Variants in ZNF704 observed in about 807,000 individuals in gnomAD.
ZNF704 encodes glucocorticoid induced gene 1.
Under a neutral mutation model 44.7 loss-of-function variants are expected in ZNF704, and 10 were observed. The observed-to-expected ratio is 0.22, with a 90% confidence interval of 0.14 to 0.38. The LOEUF (loss-of-function observed/expected upper bound fraction) is 0.38. Among genes scored for constraint, ZNF704 ranks in the 10% least tolerant of loss-of-function variants. The pLI, the probability that ZNF704 is intolerant of heterozygous loss-of-function variation, is 1.00. For synonymous variants in ZNF704, 211 were observed against 207.6 expected, an observed-to-expected ratio of 1.02 and a Z score of -0.14; for missense variants, 390 against 545.5, an observed-to-expected ratio of 0.71 and a Z score of 2.84.
intron 7 of ZNF704, among the ~76,000 whole-genome samples, chr8:80,657,769 T>A (rs1392400947): frequency 6.6e-6 from 1 of 151,954 alleles, no homozygotes; most frequent in Non-Finnish European, 1.5e-5. Flanking sequence ...GTTTTATATA[T>A]CATATATACG....
chr8:80,880,034 T>C, the ZNF704 span, among the ~76,000 whole-genome samples: 2 of 152,240 alleles, frequency 1.3e-5, no homozygotes, highest in Non-Finnish European at 2.9e-5. Flanking sequence ...GTCCTCTGTC[T>C]TTCTGTCTCT....
At chr8:80,817,212 G>A (rs546438580) in intron 2 of ZNF704, among the ~76,000 whole-genome samples, 1 of 152,250 alleles carries the variant, frequency 6.6e-6, no homozygotes, top group African/African-American at 2.4e-5. Context: ...GTACAATATT[G>A]TGGGGTGGGA....
chr8:80,859,424 G>A (rs1350839067), intron 1 of ZNF704, among the ~76,000 whole-genome samples: 1 of 152,176 alleles, frequency 6.6e-6, no homozygotes, highest in Non-Finnish European at 1.5e-5. Flanking sequence ...TGTTGTGATA[G>A]TGGGAAAGCA....
chr8:80,781,447 C>A (rs562169792), intron 2 of ZNF704, among the ~76,000 whole-genome samples: 2 of 152,136 alleles, frequency 1.3e-5, no homozygotes, highest in East Asian at 1.9e-4. Context: ...ATAATTTTCA[C>A]GTCATGAAAT....
chr8:80,680,611 A>G (rs1034505381), intron 4 of ZNF704, among the ~76,000 whole-genome samples: 2 of 152,196 alleles, frequency 1.3e-5, no homozygotes, highest in African/African-American at 4.8e-5. Flanking sequence ...ACAGATCCCC[A>G]GCAGGTGCCA....
At chr8:80,762,858 T>C (rs983759664) in intron 2 of ZNF704, among the ~76,000 whole-genome samples, 2 of 152,164 alleles carry the variant, frequency 1.3e-5, no homozygotes, top group African/African-American at 2.4e-5. Context: ...AGGGTACAGA[T>C]TGGATAAATG....
Position 80,630,708 on chromosome 8 carries a change from C to T in ZNF704, c.*10658G>A, listed in dbSNP as rs1208140360. The T allele has an allele frequency of 6.6e-6, 1 of 152,056 alleles. No individual in the cohort carries two copies. The highest frequency in any genetic ancestry group is 1.5e-5 in the Non-Finnish European group (1 of 68,006). The allele number at this position is 152,056 out of a possible 1,614,324, so 9.4% of individuals were successfully genotyped here. ...TTGGGACCTAGCGATTTTTTCTTAT[C>T]CTGAGTTCTTCTTCTAAGTATATAG... On this transcript the variant is annotated 3_prime_UTR_variant, in exon 9 of 9. Coordinates refer to ENST00000327835, the MANE Select transcript of ZNF704 (RefSeq NM_001033723.3).
intron 2 of ZNF704, among the ~76,000 whole-genome samples, chr8:80,717,572 C>T (rs372431911): frequency 6.6e-6 from 1 of 152,172 alleles, no homozygotes; most frequent in African/African-American, 2.4e-5. Context: ...TTCCTCTTTG[C>T]CAATCTGAAC....
intron 1 of ZNF704, among the ~76,000 whole-genome samples, chr8:80,857,766 TG>T (rs988409066): frequency 1.3e-5 from 2 of 152,204 alleles, no homozygotes; most frequent in Admixed American, 6.5e-5. Context: ...ACTTCTTTTT[TG>T]TAAAGATTTT....
chr8:80,866,424 C>A (rs716350), intron 1 of ZNF704, among the ~76,000 whole-genome samples: 1 of 151,896 alleles, frequency 6.6e-6, no homozygotes, highest in African/African-American at 2.4e-5. Context: ...GAGGGAATGA[C>A]CAAAACATGG....
rs548704668 is a variant in ZNF704, at chr8:80,638,537, G to A, written c.*2829C>T. On this transcript the variant is annotated 3_prime_UTR_variant, in exon 9 of 9. Coordinates refer to ENST00000327835, the MANE Select transcript of ZNF704 (RefSeq NM_001033723.3). ...AGAGATGGCATCAAACGAATGTCTGGTTAATTTGGCACTTCATTTAGTTCC... is the reference window on the plus strand; with the variant it reads ...AGAGATGGCATCAAACGAATGTCTGATTAATTTGGCACTTCATTTAGTTCC... 6.6e-6 allele frequency: 1 copy of A among 152,384 alleles called. No homozygotes were observed. The highest frequency in any genetic ancestry group is 1.9e-4 in the East Asian group (1 of 5,172). 9.4% of individuals were successfully genotyped at this position (152,384 alleles called of 1,614,324 possible). A position where few individuals can be genotyped will look rare whatever the true frequency, so the allele number is the denominator to read the frequency against.
chr8:80,884,111 G>A, the ZNF704 span, among the ~76,000 whole-genome samples: 1 of 152,314 alleles, frequency 6.6e-6, no homozygotes, highest in South Asian at 2.1e-4. Context: ...AAAAAATTGA[G>A]AGTGAGACAG....
chr8:80,762,894 G>A (rs1328397988), intron 2 of ZNF704, among the ~76,000 whole-genome samples: 1 of 152,200 alleles, frequency 6.6e-6, no homozygotes, highest in Non-Finnish European at 1.5e-5. Flanking sequence ...GGAGAAGCTG[G>A]CCAAAACACA....
chr8:80,745,150 T>C (rs970179205), intron 2 of ZNF704, among the ~76,000 whole-genome samples: 1 of 152,180 alleles, frequency 6.6e-6, no homozygotes, highest in African/African-American at 2.4e-5. Flanking sequence ...TCGCTGTAAA[T>C]ATAGGTATCA....
At chr8:80,694,106 T>G (rs1009534217) in intron 2 of ZNF704, 1 of 152,134 alleles carries the variant, frequency 6.6e-6, no homozygotes, top group African/African-American at 2.4e-5. Flanking sequence ...ACTAGAGCCA[T>G]TTACTGAGAT....
In ZNF704 at chr8:80,630,554, T is replaced by G. The variant is rs1817566832; in HGVS notation, c.*10812A>C. 6.6e-6 allele frequency: 1 copy of G among 152,264 alleles called. No individual in the cohort carries two copies. Among genetic ancestry groups the G allele is most frequent in the South Asian group, 2.1e-4 (1 of 4,834 alleles). 9.4% of individuals were successfully genotyped at this position (152,264 alleles called of 1,614,324 possible). On this transcript the variant is annotated 3_prime_UTR_variant, in exon 9 of 9. Coordinates refer to ENST00000327835, the MANE Select transcript of ZNF704 (RefSeq NM_001033723.3). ...GATGGCTTAATTTTTTAAAGTTTCC[T>G]TAAACATTGTCATGGACTAAGGGCA...
intron 2 of ZNF704, among the ~76,000 whole-genome samples, chr8:80,800,627 C>T (rs1390726424): frequency 6.6e-6 from 1 of 152,116 alleles, no homozygotes; most frequent in Non-Finnish European, 1.5e-5. Context: ...AATTCATCAC[C>T]ACCAGGCCTG....
At chr8:80,711,098 C>G (rs1225636996) in intron 2 of ZNF704, among the ~76,000 whole-genome samples, 1 of 152,170 alleles carries the variant, frequency 6.6e-6, no homozygotes, top group African/African-American at 2.4e-5. Flanking sequence ...CAAATAGGCA[C>G]ATGAATCTCA....
intron 1 of ZNF704, among the ~76,000 whole-genome samples, chr8:80,856,088 G>T (rs1808956020): frequency 6.6e-6 from 1 of 152,124 alleles, no homozygotes; most frequent in South Asian, 2.1e-4. Context: ...CTGTTGAGTA[G>T]CTGGGACTAT....
Sources: allele counts gnomAD v4.1 joint callset (sites outside exome capture counted in the v4.1 genomes callset), GRCh38; gene constraint gnomAD v4.1.1; transcripts MANE v1.5; gene names NCBI Gene and HGNC (gene_info 2026-07-23, HGNC 2026-07-21).